The following SLC41A3 variants were observed in gnomAD, a reference collection of about 807,000 sequenced individuals.
SLC41A3 encodes solute carrier family 41 member 3.
A neutral mutation model predicts 45.4 loss-of-function variants in SLC41A3; 44 were observed. That is an observed-to-expected ratio of 0.97 (90% CI 0.76 to 1.25). The LOEUF is 1.25. SLC41A3 is among the 50% of genes most tolerant of loss of function. SLC41A3 has a pLI of 0.00. For synonymous variants in SLC41A3, 256 were observed against 252.4 expected (o/e 1.01, Z -0.13); for missense variants, 550 against 600.6 (o/e 0.92, Z 0.88).
At position 126,026,907 on chromosome 3, in the gene SLC41A3, C is replaced by A. The variant is rs1329818807; in HGVS notation, c.454-428G>T. 6.6e-6 allele frequency among the ~76,000 whole-genome samples: 1 copy of A among 152,182 alleles called. No individual in the cohort carries two copies. Among genetic ancestry groups the A allele is most frequent in the African/African-American group, 2.4e-5 (1 of 41,440 alleles). On this transcript the variant is annotated intron_variant, in intron 4 of 10. Transcript: ENST00000360370. This position sits in a 1 kb window ranked among gnomAD's most constrained non-coding sequence, Gnocchi z 4.2. ...ACAGAGCAGTCACACGGGAGGACTT[C>A]ACACACTTTTGGTCTCTCCTTTGGC...
chr3:126,057,499 G>A (rs1479014842), intron 2 of SLC41A3, among the ~76,000 whole-genome samples: 2 of 152,202 alleles, frequency 1.3e-5, no homozygotes. Flanking sequence ...GAAGCCCGAA[G>A]CTGGGGGTCA....
Position 126,053,569 on chromosome 3 carries a change from T to G in SLC41A3, c.274-2519A>C, listed in dbSNP as rs561793249. 2.0e-5 allele frequency among the ~76,000 whole-genome samples: 3 copies of G among 152,362 alleles called. No individual in the cohort carries two copies. The East Asian group carries it at 5.8e-4, about 29-fold the overall frequency. The stretch of plus-strand genomic sequence containing the variant: ...CAGAGATAATCAGTGTCTTTGTTTT[T>G]ACCTAACCAATTCTGGCACTGTCCT... On this transcript the variant is annotated intron_variant, in intron 2 of 10. Coordinates refer to ENST00000360370, the MANE Select transcript of SLC41A3 (RefSeq NM_017836.4).
chr3:126,019,188 T>C (rs1405998119), intron 6 of SLC41A3, among the ~76,000 whole-genome samples: 1 of 152,184 alleles, frequency 6.6e-6, no homozygotes, highest in South Asian at 2.1e-4. Flanking sequence ...GAACCGAGCA[T>C]GTAGCTCAGG....
Position 126,093,989 on chromosome 3 carries a change from C to T in SLC41A3, c.-79+7440G>A, listed in dbSNP as rs1259056125. 2.0e-5 allele frequency among the ~76,000 whole-genome samples: 3 copies of T among 152,296 alleles called. No homozygotes were observed. The South Asian group carries it at 6.2e-4, about 32-fold the overall frequency. On this transcript the variant is annotated intron_variant, in intron 1 of 9. Transcript: ENST00000508835. ...TAACATAGTTAGAGTTGGCAAAGCCCTTGAAGTATATCAAAGTAGTTATAT... is the reference window on the plus strand; with the variant it reads ...TAACATAGTTAGAGTTGGCAAAGCCTTTGAAGTATATCAAAGTAGTTATAT...
chr3:126,054,342 C>T (rs1007694320), intron 2 of SLC41A3, among the ~76,000 whole-genome samples: 27 of 152,184 alleles, frequency 1.8e-4, no homozygotes, highest in Non-Finnish European at 3.8e-4. Context: ...GCTGCAAAGG[C>T]CCCTGTACCT....
Position 126,012,687 on chromosome 3 carries a change from T to G in SLC41A3, c.1033A>C (p.Ser345Arg). ...TGGAGGGGCAGGACGCCAGGTGCAC[T>G]CCACATGTGCAGGTAGGTTGAGATT... is the stretch of plus-strand genomic sequence containing the variant. ...SRISTYLHMWSAPGVLPLQMK... is the reference protein window; with the variant it reads ...SRISTYLHMWRAPGVLPLQMK... The change falls in exon 9 of 11, where the codon AGT (serine) becomes CGT (arginine). Residue 345 changes from serine to arginine, a missense_variant. Transcript: ENST00000360370. 6.2e-7 allele frequency: 1 copy of G among 1,614,188 alleles called. No individual in the cohort carries two copies.
intron 2 of SLC41A3, among the ~76,000 whole-genome samples, chr3:126,058,909 C>T (rs2107954588): frequency 6.6e-6 from 1 of 152,252 alleles, no homozygotes; most frequent in Middle Eastern, 3.4e-3. Flanking sequence ...TCTGCCAGGC[C>T]TCATGGCCAG....
chr3:126,095,157 T>C, intron 1 of SLC41A3: 1 of 619,426 alleles, frequency 1.6e-6, no homozygotes, highest in Non-Finnish European at 2.9e-6. Context: ...AAATAATAAC[T>C]TGGGGTAGAG....
chr3:126,065,445 G>C (rs953300600), intron 2 of SLC41A3, among the ~76,000 whole-genome samples: 1 of 152,228 alleles, frequency 6.6e-6, no homozygotes, highest in African/African-American at 2.4e-5. Flanking sequence ...TGTTTGCACT[G>C]AACTGAACAC....
At chr3:126,017,195 T>C (rs1940385857) in intron 6 of SLC41A3, among the ~76,000 whole-genome samples, 1 of 152,264 alleles carries the variant, frequency 6.6e-6, no homozygotes, top group Non-Finnish European at 1.5e-5. Context: ...ATGTATGGAA[T>C]GCACCATGAG....
At chr3:126,074,000 G>C (rs1482909262) in intron 1 of SLC41A3, among the ~76,000 whole-genome samples, 1 of 151,978 alleles carries the variant, frequency 6.6e-6, no homozygotes, top group Admixed American at 6.5e-5. Context: ...ATAACCAAGT[G>C]GGATTTATTT....
At chr3:126,036,637 C>A (rs556023761) in intron 3 of SLC41A3, among the ~76,000 whole-genome samples, 2 of 150,316 alleles carry the variant, frequency 1.3e-5, no homozygotes, top group South Asian at 2.1e-4. Flanking sequence ...CTGAATGAAC[C>A]CTTCCTGAAA....
chr3:126,093,789 CAAAT>C (rs774427579), intron 1 of SLC41A3, among the ~76,000 whole-genome samples: 4 of 151,970 alleles, frequency 2.6e-5, no homozygotes, highest in African/African-American at 7.3e-5. Flanking sequence ...TTTGGAAACA[CAAAT>C]AAAGAAGGCA....
upstream of SLC41A3, among the ~76,000 whole-genome samples, chr3:126,088,370 G>A (rs1268465454): frequency 1.3e-5 from 2 of 152,082 alleles, no homozygotes; most frequent in African/African-American, 4.8e-5. Flanking sequence ...AAAGTAATTT[G>A]GCAAATTTAA....
At chr3:126,012,453 G>C (rs890268353) in intron 9 of SLC41A3, among the ~76,000 whole-genome samples, 162 bp downstream of exon 9, 4 of 152,204 alleles carry the variant, frequency 2.6e-5, no homozygotes, top group African/African-American at 9.7e-5. Context: ...TGAAGGAAAG[G>C]CAGGGCCGGG....
At chr3:126,085,627 C>T (rs1226844059), upstream of SLC41A3, among the ~76,000 whole-genome samples, 3 of 152,218 alleles carry the variant, frequency 2.0e-5, no homozygotes, top group Non-Finnish European at 4.4e-5. Context: ...GAGACACATT[C>T]TAAAGGGTTT....
intron 3 of SLC41A3, among the ~76,000 whole-genome samples, chr3:126,040,010 T>TTG (rs10628989): frequency 0.68 from 103,783 of 151,886 alleles, 36,953 homozygotes; most frequent in African/African-American, 0.9. Flanking sequence ...AAATGGCTCA[T>TTG]TAGGGCCAGG....
chr3:126,012,352 C>A (rs1939801633), intron 9 of SLC41A3, among the ~76,000 whole-genome samples: 1 of 152,186 alleles, frequency 6.6e-6, no homozygotes, highest in South Asian at 2.1e-4. Context: ...ATACTGTGTA[C>A]TTCAAGGGCA....
intron 1 of SLC41A3, among the ~76,000 whole-genome samples, chr3:126,078,262 C>A (rs145854554): frequency 1.3e-5 from 2 of 152,338 alleles, no homozygotes; most frequent in African/African-American, 4.8e-5. Flanking sequence ...CCAGCCTGAC[C>A]CCTCAGGCCA....
Sources: allele counts gnomAD v4.1 joint callset (sites outside exome capture counted in the v4.1 genomes callset), GRCh38; gene constraint gnomAD v4.1.1; non-coding constraint Gnocchi (gnomAD v3.1); transcripts MANE v1.5; gene names NCBI Gene and HGNC (gene_info 2026-07-23, HGNC 2026-07-21).